MCPH1: variants seen among roughly 807,000 people sequenced by gnomAD.
MCPH1 encodes the protein microcephalin.
MCPH1 carries 104 observed loss-of-function variants against 84.5 expected under a neutral mutation model. The observed-to-expected ratio is 1.23, with a 90% CI of 1.05 to 1.45. The LOEUF (loss-of-function observed/expected upper bound fraction) is 1.45, where lower values mean the gene tolerates loss of function less well. Ranked by LOEUF, MCPH1 falls within the 40% of genes most tolerant of loss-of-function variation. The pLI is 0.00. For missense variants in MCPH1, 1,498 were observed against 1,005.7 expected (o/e 1.49, Z -6.62); for synonymous variants, 514 against 366.8 (o/e 1.40, Z -4.58).
intron 12 of MCPH1, among the ~76,000 whole-genome samples, chr8:6,613,205 G>T (rs975618150): frequency 6.6e-6 from 1 of 152,184 alleles, no homozygotes; most frequent in Admixed American, 6.5e-5. Flanking sequence ...ACGGCTGAGC[G>T]TGAGAAAGGG....
At chr8:6,521,340 T>G in intron 12 of MCPH1, 2 of 1,613,854 alleles carry the variant, frequency 1.2e-6, no homozygotes, top group Non-Finnish European at 1.7e-6. Flanking sequence ...AGCTGATCTT[T>G]CTCTTCTTTT....
At chr8:6,437,316 C>T (rs1802799607) in intron 5 of MCPH1, among the ~76,000 whole-genome samples, 1 of 152,046 alleles carries the variant, frequency 6.6e-6, no homozygotes, top group Non-Finnish European at 1.5e-5. Flanking sequence ...CTACAACCTC[C>T]ACCTCCCGGG....
At chr8:6,488,703 G>A (rs369997948) in intron 11 of MCPH1, among the ~76,000 whole-genome samples, 12 of 152,120 alleles carry the variant, frequency 7.9e-5, no homozygotes, top group African/African-American at 2.9e-4. Flanking sequence ...TAGGGCCCCA[G>A]TATGGCTGTG....
At chr8:6,520,451 C>T (rs1051316479) in intron 12 of MCPH1, among the ~76,000 whole-genome samples, 2 of 152,104 alleles carry the variant, frequency 1.3e-5, no homozygotes, top group Admixed American at 1.3e-4. Context: ...TAGTGGGGTG[C>T]AGTGACACAT....
chr8:6,527,518 C>T (rs374002049), intron 12 of MCPH1: 17 of 1,596,978 alleles, frequency 1.1e-5, no homozygotes, highest in Non-Finnish European at 1.4e-5. Flanking sequence ...GGAAAGTGTG[C>T]AGTCCTGAAT....
At chr8:6,598,638 A>G (rs1021144072) in intron 12 of MCPH1, among the ~76,000 whole-genome samples, 41 of 152,200 alleles carry the variant, frequency 2.7e-4, no homozygotes, top group African/African-American at 9.9e-4. Context: ...AGCGACCCCA[A>G]TGTTTGCTGA....
In MCPH1 at chr8:6,623,312, T is replaced by A. The variant is rs541061231; in HGVS notation, c.2452+1621T>A. ...CTAGTTTCAGCCCCTGGGGCCAAGA[T>A]CCTTACCCGACTTTAGAGGTACATC... On this transcript the variant is annotated intron_variant, in intron 13 of 13. Transcript: ENST00000344683. 5.9e-5 allele frequency among the ~76,000 whole-genome samples: 9 copies of A among 152,120 alleles called. 1 individual carries two copies. The highest frequency in any genetic ancestry group is 2.2e-4 in the African/African-American group (9 of 41,504).
Position 6,541,621 on chromosome 8 carries a change from C to G in MCPH1, c.2214+41692C>G, listed in dbSNP as rs553543556. Among the ~76,000 whole-genome samples the G allele has an allele frequency of 5.9e-5, 9 of 152,264 alleles. No individual in the cohort carries two copies. In the East Asian group the frequency reaches 1.7e-3, roughly 29 times the overall value. On this transcript the variant is annotated intron_variant, in intron 12 of 13. Coordinates refer to ENST00000344683, the MANE Select transcript of MCPH1 (RefSeq NM_024596.5). ...TGCCATTCGTCTATTTTTTGGGATA[C>G]TTTGTTAAATTCTCAGCTTAGAAGA...
intron 12 of MCPH1, among the ~76,000 whole-genome samples, chr8:6,525,092 A>T (rs1818084532): frequency 6.6e-6 from 1 of 152,198 alleles, no homozygotes; most frequent in African/African-American, 2.4e-5. Flanking sequence ...CCTTTTTTTG[A>T]CAGTAACATT....
intron 2 of MCPH1, among the ~76,000 whole-genome samples, chr8:6,412,140 G>A (rs1033487296): frequency 2.0e-5 from 3 of 152,208 alleles, no homozygotes; most frequent in Non-Finnish European, 4.4e-5. Context: ...CCTGTCTTGA[G>A]TAAGAGGTCA....
intron 3 of MCPH1, among the ~76,000 whole-genome samples, chr8:6,416,394 T>C (rs764770001): frequency 3.9e-5 from 6 of 152,220 alleles, no homozygotes; most frequent in Non-Finnish European, 7.3e-5. Context: ...TTGCTCATCT[T>C]TGGAGAAAAG....
intron 12 of MCPH1, among the ~76,000 whole-genome samples, chr8:6,509,874 C>T (rs1814621114): frequency 6.6e-6 from 1 of 152,212 alleles, no homozygotes; most frequent in South Asian, 2.1e-4. Context: ...GTTGTTCACC[C>T]TGGGGATCAC....
chr8:6,523,591 T>C (rs988657847), intron 12 of MCPH1, among the ~76,000 whole-genome samples: 1 of 152,088 alleles, frequency 6.6e-6, no homozygotes, highest in African/African-American at 2.4e-5. Context: ...GTTTTTTGTT[T>C]TTTGTTTTGA....
chr8:6,415,553 C>T (rs1799155420), intron 3 of MCPH1, among the ~76,000 whole-genome samples: 1 of 152,004 alleles, frequency 6.6e-6, no homozygotes, highest in Non-Finnish European at 1.5e-5. Context: ...GGGGTTTTAT[C>T]ATGTTGGCCA....
intron 3 of MCPH1, among the ~76,000 whole-genome samples, chr8:6,425,176 C>G (rs2515555): frequency 0.69 from 104,512 of 152,118 alleles, 39,175 homozygotes; most frequent in Non-Finnish European, 0.82. Flanking sequence ...CATCACAGCA[C>G]GGCTTCCCGA....
intron 12 of MCPH1, chr8:6,521,480 T>G: frequency 1.8e-6 from 2 of 1,119,730 alleles, no homozygotes; most frequent in East Asian, 5.1e-5. Context: ...ATTGAATTTC[T>G]ACTTCTCCAA....
intron 8 of MCPH1, chr8:6,447,088 C>T: frequency 1.0e-6 from 1 of 985,448 alleles, no homozygotes; most frequent in Non-Finnish European, 1.2e-6. Context: ...CACCTGCCTT[C>T]ATGCCATTAC....
At chr8:6,514,570 T>C (rs139271539) in intron 12 of MCPH1, 21 of 979,040 alleles carry the variant, frequency 2.1e-5, no homozygotes, top group Middle Eastern at 4.3e-4. Flanking sequence ...AAAAACCATG[T>C]CAAAAGTCAT....
intron 12 of MCPH1, among the ~76,000 whole-genome samples, chr8:6,580,512 G>A (rs998007434): frequency 2.0e-5 from 3 of 152,104 alleles, no homozygotes; most frequent in Non-Finnish European, 1.5e-5. Flanking sequence ...AAAATTAGCT[G>A]GGCATGGTGG....
Sources: allele counts gnomAD v4.1 joint callset (sites outside exome capture counted in the v4.1 genomes callset), GRCh38; gene constraint gnomAD v4.1.1; transcripts MANE v1.5; gene names NCBI Gene and HGNC (gene_info 2026-07-23, HGNC 2026-07-21).